Variants in NUP88 observed in about 807,000 individuals in gnomAD.
NUP88 encodes the protein nuclear pore complex protein Nup88.
A neutral mutation model predicts 93.9 loss-of-function variants in NUP88; 57 were observed. The observed-to-expected ratio is 0.61, with a 90% CI of 0.49 to 0.76. NUP88 has a LOEUF of 0.76. Ranked by LOEUF, NUP88 falls within the 30% of genes least tolerant of loss-of-function variation. The pLI, the probability that NUP88 is intolerant of heterozygous loss-of-function variation, is 0.00. For missense variants in NUP88, 911 were observed against 901.0 expected (o/e 1.01, Z -0.14); for synonymous variants, 346 against 336.8 (o/e 1.03, Z -0.30).
chr17:5,386,889 T>C, intron 15 of NUP88, 63 bp from the exon 16 acceptor site: 1 of 1,587,444 alleles, frequency 6.3e-7, no homozygotes, highest in South Asian at 1.1e-5. Flanking sequence ...CAGTATCTAT[T>C]TGAATCTGTT....
intron 8 of NUP88, among the ~76,000 whole-genome samples, chr17:5,398,809 T>A (rs563320546): frequency 6.7e-6 from 1 of 149,406 alleles, no homozygotes; most frequent in South Asian, 2.1e-4. Flanking sequence ...GCCAGGATGG[T>A]CTCAATCTCT....
At chr17:5,390,141 G>A (rs1912318299) in intron 10 of NUP88, among the ~76,000 whole-genome samples, 1 of 144,958 alleles carries the variant, frequency 6.9e-6, no homozygotes, top group South Asian at 2.2e-4. Context: ...CTCCAGCTTG[G>A]GCAACACAGC....
chr17:5,389,446 A>T (rs770382127), intron 10 of NUP88, among the ~76,000 whole-genome samples: 1 of 152,246 alleles, frequency 6.6e-6, no homozygotes, highest in Non-Finnish European at 1.5e-5. Flanking sequence ...AGACTTCGGC[A>T]GCATGGCAAG....
chr17:5,416,832 ATTTTTTT>A (rs11391160), intron 1 of NUP88, 150 bp from the exon 2 acceptor site: 10 of 389,236 alleles, frequency 2.6e-5, no homozygotes, highest in Non-Finnish European at 3.9e-5. Flanking sequence ...TAACTCACAA[ATTTTTTT>A]TTTTTTTTTT....
rs548738098 is a variant in NUP88 at position 5,392,357 on chromosome 17, C to G, written c.1383-695G>C. Among the ~76,000 whole-genome samples, 88 of 152,334 alleles carry G rather than the reference C, an allele frequency of 5.8e-4. 3 individuals carry two copies. In the South Asian group the frequency reaches 0.018, roughly 31 times the overall value. On this transcript the variant is annotated intron_variant, in intron 9 of 16. Coordinates refer to ENST00000573584, the MANE Select transcript of NUP88 (RefSeq NM_002532.6). ...TCATGTCTCTTCCATTTAAAATACT[C>G]TCATTTCAATATAATGTCCAGTTCC...
chr17:5,416,180 T>TATATATATATATATATATACACATAC (rs1374990658), intron 2 of NUP88, among the ~76,000 whole-genome samples: 3 of 107,336 alleles, frequency 2.8e-5, no homozygotes, highest in African/African-American at 1.1e-4. Context: ...TATATATATA[T>TATATATATATATATATATACACATAC]ACACACATAC....
intron 2 of NUP88, among the ~76,000 whole-genome samples, chr17:5,414,434 A>G (rs1385268791): frequency 6.6e-6 from 1 of 151,852 alleles, no homozygotes; most frequent in Non-Finnish European, 1.5e-5. Flanking sequence ...ACCTCAGGTG[A>G]TCTGCCCACC....
intron 10 of NUP88, among the ~76,000 whole-genome samples, chr17:5,390,307 T>G (rs3026125): frequency 0.44 from 66,444 of 152,058 alleles, 15,288 homozygotes; most frequent in East Asian, 0.84. Context: ...TGAGGTAACT[T>G]ACAGGTAATT....
At chr17:5,418,859 C>A (rs1228285970) in intron 1 of NUP88, among the ~76,000 whole-genome samples, 1 of 152,110 alleles carries the variant, frequency 6.6e-6, no homozygotes, top group Non-Finnish European at 1.5e-5. Context: ...AACAAAAATC[C>A]CCATTTTGGG....
intron 6 of NUP88, 108 bp downstream of exon 6, chr17:5,404,949 A>T (rs557385706): frequency 2.1e-6 from 2 of 972,246 alleles, no homozygotes; most frequent in Non-Finnish European, 1.5e-6. Flanking sequence ...AAATATCAGA[A>T]GTTCCATAAG....
intron 3 of NUP88, among the ~76,000 whole-genome samples, chr17:5,411,560 G>T (rs1431173341): frequency 7.3e-6 from 1 of 136,958 alleles, no homozygotes; most frequent in Admixed American, 7.8e-5. Context: ...CAGCCTGGGC[G>T]ACAGAGCGAG....
chr17:5,394,124 C>G (rs1306102535), intron 9 of NUP88, among the ~76,000 whole-genome samples: 3 of 152,116 alleles, frequency 2.0e-5, no homozygotes, highest in Non-Finnish European at 4.4e-5. Flanking sequence ...GTATGTGAAT[C>G]TGGAGTTCAG....
At chr17:5,395,678 G>A (rs1383663169) in intron 8 of NUP88, among the ~76,000 whole-genome samples, 1 of 151,840 alleles carries the variant, frequency 6.6e-6, no homozygotes, top group African/African-American at 2.4e-5. Flanking sequence ...ACAGGTGGAC[G>A]CCACCACGCC....
Position 5,387,587 on chromosome 17 carries a change from C to T in NUP88, c.1835+18G>A, listed in dbSNP as rs370157328. The stretch of plus-strand genomic sequence containing the variant: ...AGTCTTACTGACCTATTGTATTCTT[C>T]TTATTTTTGACACTTACCTCTCTTC... On this transcript the variant is annotated intron_variant, in intron 13 of 16. Coordinates refer to ENST00000573584, the MANE Select transcript of NUP88 (RefSeq NM_002532.6). 6.2e-7 allele frequency: 1 copy of T among 1,609,124 alleles called. No individual in the cohort carries two copies. The highest frequency in any genetic ancestry group is 8.5e-7 in the Non-Finnish European group (1 of 1,176,034).
At chr17:5,416,377 C>T (rs1487498118) in intron 2 of NUP88, 136 bp downstream of exon 2, 4 of 564,444 alleles carry the variant, frequency 7.1e-6, no homozygotes, top group Non-Finnish European at 6.0e-6. Flanking sequence ...ATTGATAACA[C>T]AGAAGCCAGT....
chr17:5,412,669 C>T (rs1913908978), intron 3 of NUP88, among the ~76,000 whole-genome samples: 1 of 151,902 alleles, frequency 6.6e-6, no homozygotes, highest in Non-Finnish European at 1.5e-5. Flanking sequence ...CCCCCACATA[C>T]ACACACACAA....
In NUP88 at chr17:5,386,203, G is replaced by T; in HGVS notation, c.*3C>A. 6.2e-7 allele frequency: 1 copy of T among 1,611,538 alleles called. No homozygotes were observed. The highest frequency in any genetic ancestry group is 1.1e-5 in the South Asian group (1 of 90,772). ...TTCAGGTGTGAGTCAGCTCCTGGTG[G>T]TGTCAGAAGTTTACATGATTGCGGA... On this transcript the variant is annotated 3_prime_UTR_variant, in exon 17 of 17. Coordinates refer to ENST00000573584, the MANE Select transcript of NUP88 (RefSeq NM_002532.6).
chr17:5,419,248 G>A lies in NUP88; in HGVS notation c.297+106C>T, dbSNP rs1914427480. 3.1e-6 allele frequency: 4 copies of A among 1,306,620 alleles called. No individual in the cohort carries two copies. The South Asian group carries it at 6.8e-5, about 22-fold the overall frequency. The allele number at this position is 1,306,620 out of a possible 1,614,324, so 80.9% of individuals were successfully genotyped here. A position where few individuals can be genotyped will look rare whatever the true frequency, so the allele number is the denominator to read the frequency against. On this transcript the variant is annotated intron_variant, in intron 1 of 16. Transcript: ENST00000573584. ...CGTATGGCAGCGTCGGAGTCAATCC[G>A]CTGGAACGCCTGCCACAAGATGAAA... is the stretch of plus-strand genomic sequence containing the variant.
chr17:5,391,887 G>A (rs187788170), intron 9 of NUP88, among the ~76,000 whole-genome samples: 19 of 152,280 alleles, frequency 1.2e-4, no homozygotes, highest in Admixed American at 6.5e-4. Flanking sequence ...TAACTGTAGC[G>A]TGCTGCTGAC....
Sources: allele counts gnomAD v4.1 joint callset (sites outside exome capture counted in the v4.1 genomes callset), GRCh38; gene constraint gnomAD v4.1.1; transcripts MANE v1.5; gene names NCBI Gene and HGNC (gene_info 2026-07-23, HGNC 2026-07-21).